Variants in NSD1 observed in about 807,000 individuals in gnomAD.
The protein encoded by NSD1 is histone-lysine N-methyltransferase, H3 lysine-36 specific.
Under a neutral mutation model 242.7 loss-of-function variants are expected in NSD1, and 26 were observed. The observed-to-expected ratio is 0.11, with a 90% CI of 0.08 to 0.15. The LOEUF is 0.15. Among genes scored for constraint, NSD1 ranks in the 10% least tolerant of loss-of-function variants. NSD1 has a pLI of 1.00. For synonymous variants in NSD1, 1,106 were observed against 1,178.1 expected (o/e 0.94, Z 1.25); for missense variants, 2,495 against 3,272.8 (o/e 0.76, Z 5.80).
At chr5:177,176,141 G>A (rs889011767) in intron 2 of NSD1, among the ~76,000 whole-genome samples, 1 of 152,206 alleles carries the variant, frequency 6.6e-6, no homozygotes, top group Non-Finnish European at 1.5e-5. Flanking sequence ...CTCCCAAAGT[G>A]CTGGGATTGC....
At position 177,210,042 on chromosome 5, in the gene NSD1, C is replaced by G. The variant is rs2149843372; in HGVS notation, c.1643C>G (p.Ser548Cys). ...GGGGATATATCTGATACGCAGGCCT[C>G]TAATGAACTTTCCAGGATAGCAAAT... The part of the protein sequence containing the change: ...ISGDISDTQA[S>C]NELSRIANSL... The change falls in exon 5 of 23, where the codon TCT (serine) becomes TGT (cysteine). Residue 548 changes from serine (S) to cysteine (C), a missense_variant. By Grantham distance (112) the Ser-to-Cys change is moderately radical. Coordinates refer to ENST00000439151, the MANE Select transcript of NSD1 (RefSeq NM_022455.5). The G allele has an allele frequency of 6.2e-7, 1 of 1,614,092 alleles. No homozygotes were observed.
At chr5:177,280,955 G>A in intron 18 of NSD1, 121 bp downstream of exon 18, 1 of 1,124,366 alleles carries the variant, frequency 8.9e-7, no homozygotes. Context: ...TAACCTTATT[G>A]TTGTGTCTTG....
intron 14 of NSD1, 77 bp downstream of exon 14, chr5:177,260,245 T>A (rs1756878419): frequency 2.2e-6 from 3 of 1,362,224 alleles, no homozygotes; most frequent in Admixed American, 3.9e-5. Context: ...AAAAATACTT[T>A]TCATCATATT....
intron 14 of NSD1, among the ~76,000 whole-genome samples, chr5:177,262,487 G>A (rs577485993): frequency 1.4e-4 from 21 of 152,280 alleles, no homozygotes. Context: ...CACTGTGAAA[G>A]GAAAATAAAT....
intron 10 of NSD1, 55 bp downstream of exon 10, chr5:177,246,851 C>A: frequency 8.3e-7 from 1 of 1,211,804 alleles, no homozygotes; most frequent in Non-Finnish European, 1.2e-6. Flanking sequence ...CTTTTCACGC[C>A]AGAGGCCACA....
rs532223136 is a variant in NSD1 at position 177,220,088 on chromosome 5, T to C, written c.3796+7893T>C. On this transcript the variant is annotated intron_variant, in intron 5 of 22. Coordinates refer to ENST00000439151, the MANE Select transcript of NSD1 (RefSeq NM_022455.5). ...TTGTTATATGCAATTGTTCAAGTCC[T>C]CTGTTTCTTTATTGATCTTCATTGT... Among the ~76,000 whole-genome samples the C allele has an allele frequency of 4.7e-4, 72 of 152,372 alleles. 2 individuals carry two copies. The South Asian group carries it at 0.014, about 29-fold the overall frequency.
intron 2 of NSD1, among the ~76,000 whole-genome samples, chr5:177,170,693 C>A (rs9313749): frequency 0.36 from 54,693 of 151,952 alleles, 13,125 homozygotes; most frequent in African/African-American, 0.68. Flanking sequence ...ACGTGACTTC[C>A]TATTCATCCA....
intron 8 of NSD1, among the ~76,000 whole-genome samples, chr5:177,243,773 A>C (rs1581422700): frequency 6.6e-6 from 1 of 151,690 alleles, no homozygotes; most frequent in Admixed American, 6.6e-5. Context: ...GCTCACTGCA[A>C]CCTCTGCCTC....
chr5:177,167,769 A>C (rs1046040705), intron 2 of NSD1, among the ~76,000 whole-genome samples: 1 of 152,202 alleles, frequency 6.6e-6, no homozygotes, highest in African/African-American at 2.4e-5. Flanking sequence ...GGACGTAAGC[A>C]CATAGTAAGT....
At chr5:177,158,017 G>A (rs1304218834) in intron 2 of NSD1, among the ~76,000 whole-genome samples, 1 of 152,100 alleles carries the variant, frequency 6.6e-6, no homozygotes, top group Non-Finnish European at 1.5e-5. Flanking sequence ...CGGACATTTT[G>A]TTTCTTCCAC....
At position 177,298,227 on chromosome 5, in the gene NSD1, G is replaced by T. The variant is rs1381014267; in HGVS notation, c.*2768G>T. On this transcript the variant is annotated 3_prime_UTR_variant, in exon 23 of 23. Coordinates refer to ENST00000439151, the MANE Select transcript of NSD1 (RefSeq NM_022455.5). ...AAGGGATGTGAATTGGAGTGAAAAG[G>T]AAATCTTTCATCTTAGAAAACTTCT... 1 of 233,210 alleles carries T rather than the reference G, an allele frequency of 4.3e-6. No homozygotes were observed. The highest frequency in any genetic ancestry group is 8.5e-6 in the Non-Finnish European group (1 of 118,030). The allele number at this position is 233,210 out of a possible 1,614,324, so 14.4% of individuals were successfully genotyped here. A position where few individuals can be genotyped will look rare whatever the true frequency, so the allele number is the denominator to read the frequency against.
chr5:177,151,075 C>G (rs76450189), intron 2 of NSD1, among the ~76,000 whole-genome samples: 1,532 of 152,276 alleles, frequency 0.01, 17 homozygotes, highest in Non-Finnish European at 0.015. Flanking sequence ...TCCATCGTGT[C>G]ACAATATATT....
intron 3 of NSD1, among the ~76,000 whole-genome samples, chr5:177,196,079 A>G (rs1455281173): frequency 6.6e-6 from 1 of 152,146 alleles, no homozygotes. Context: ...GTTATCTCTG[A>G]TCTGTTACTT....
chr5:177,159,445 G>C (rs1007180035), intron 2 of NSD1, among the ~76,000 whole-genome samples: 23 of 151,730 alleles, frequency 1.5e-4, no homozygotes, highest in African/African-American at 4.8e-4. Context: ...ACCACACCTG[G>C]TTAATTTTTG....
rs150492535 is a variant in NSD1 at position 177,207,593 on chromosome 5, A to ATTTTTTTTTTTTTTTTTTTTTTT, written c.1237-2036_1237-2014dup. On this transcript the variant is annotated intron_variant, in intron 4 of 22. Transcript: ENST00000439151. ...CACCGTGCCTGGCCTATTTATTTAA[A>ATTTTTTTTTTTTTTTTTTTTTTT]TTTTTTTTTTTTTTTTTTTTTTTTT... 1.2e-4 allele frequency among the ~76,000 whole-genome samples: 9 copies of ATTTTTTTTTTTTTTTTTTTTTTT among 78,220 alleles called. 1 individual carries two copies. The highest frequency in any genetic ancestry group is 5.6e-4 in the African/African-American group (8 of 14,182). The allele number at this position is 78,220 out of a possible 152,430, so 51.3% of individuals were successfully genotyped here. A position where few individuals can be genotyped will look rare whatever the true frequency, so the allele number is the denominator to read the frequency against.
chr5:177,207,593 ATTTTTTTTTT>A (rs150492535), intron 4 of NSD1, among the ~76,000 whole-genome samples: 13 of 78,218 alleles, frequency 1.7e-4, no homozygotes, highest in East Asian at 5.0e-4. Flanking sequence ...ATTTATTTAA[ATTTTTTTTTT>A]TTTTTTTTTT....
At chr5:177,161,002 C>T (rs572803314) in intron 2 of NSD1, among the ~76,000 whole-genome samples, 11 of 152,190 alleles carry the variant, frequency 7.2e-5, no homozygotes, top group Non-Finnish European at 1.0e-4. Flanking sequence ...TTCTGGACCT[C>T]AGGTGATCTG....
chr5:177,282,361 G>A (rs1758958837), intron 18 of NSD1, 104 bp from the exon 19 acceptor site: 5 of 803,416 alleles, frequency 6.2e-6, no homozygotes, highest in Admixed American at 3.4e-5. Context: ...CATGTAATCT[G>A]CTTTGTAGAA....
chr5:177,287,696 C>G (rs528248718), intron 20 of NSD1, among the ~76,000 whole-genome samples: 5 of 152,164 alleles, frequency 3.3e-5, no homozygotes, highest in African/African-American at 9.6e-5. Flanking sequence ...AAGATTCAAT[C>G]CAGTTAAGTT....
Sources: gnomAD v4.1 joint callset for allele counts (sites outside exome capture counted in the v4.1 genomes callset) on GRCh38, gnomAD v4.1.1 for gene constraint, MANE v1.5 for transcripts, NCBI Gene and HGNC (gene_info 2026-07-23, HGNC 2026-07-21) for gene names.